The following C4orf54 variants were observed in gnomAD, a reference collection of about 807,000 sequenced individuals.
C4orf54 encodes uncharacterized protein C4orf54.
A neutral mutation model predicts 80.1 loss-of-function variants in C4orf54; 67 were observed. That is an observed-to-expected ratio of 0.84 (90% CI 0.69 to 1.03). The LOEUF (loss-of-function observed/expected upper bound fraction) is 1.03. C4orf54 is among the 50% of genes least tolerant of loss of function. The pLI is 0.00. For synonymous variants in C4orf54, 1,000 were observed against 917.0 expected (o/e 1.09, Z -1.64); for missense variants, 2,434 against 2,253.5 (o/e 1.08, Z -1.62).
At chr4:99,645,615 G>T (rs745307320) in intron 2 of C4orf54, among the ~76,000 whole-genome samples, 1 of 152,026 alleles carries the variant, frequency 6.6e-6, no homozygotes, top group African/African-American at 2.4e-5. Context: ...AAGTGGATGG[G>T]CAGGAGAGCA....
In C4orf54 at chr4:99,651,695, G is replaced by C; in HGVS notation, c.2954C>G (p.Thr985Ser). 6.5e-7 allele frequency: 1 copy of C among 1,536,006 alleles called. No individual in the cohort carries two copies. Among genetic ancestry groups the C allele is most frequent in the Non-Finnish European group, 8.7e-7 (1 of 1,146,890 alleles). The change falls in exon 2 of 3, where the codon ACC (threonine) becomes AGC (serine). Residue 985 changes from threonine to serine, a missense_variant. Thr to Ser is a moderately conservative substitution (Grantham distance 58). Coordinates refer to ENST00000511828, the MANE Select transcript of C4orf54 (RefSeq NM_001354435.2). ...GGGGACAAAGAGGCGAGACATGATG[G>C]TGTTCTTGCTGGCAGAAATCTCCCC... ...DLGEISASKN[T>S]IMSRLFVPNI...
intron 2 of C4orf54, among the ~76,000 whole-genome samples, chr4:99,645,355 A>G (rs1265275879): frequency 6.6e-6 from 1 of 150,730 alleles, no homozygotes; most frequent in Non-Finnish European, 1.5e-5. Context: ...AGAAAGACCA[A>G]CAATGCAGGA....
chr4:99,654,368 G>GCCACTGCTGCCA lies in C4orf54; in HGVS notation c.269_280dup (p.Val90_Val93dup), dbSNP rs1196226712. ...TGGCCCCAAGGCTGTAGGCACTGCT[G>GCCACTGCTGCCA]CCACTGCTGCCACCACCTCCCAGTT... is the stretch of plus-strand genomic sequence containing the variant. On this transcript the variant is annotated inframe_insertion, in exon 2 of 3. Coordinates refer to ENST00000511828, the MANE Select transcript of C4orf54 (RefSeq NM_001354435.2). The GCCACTGCTGCCA allele has an allele frequency of 9.6e-7, 1 of 1,040,532 alleles. No homozygotes were observed. The highest frequency in any genetic ancestry group is 2.6e-5 in the East Asian group (1 of 38,660). 64.5% of individuals were successfully genotyped at this position (1,040,532 alleles called of 1,614,324 possible). A position where few individuals can be genotyped will look rare whatever the true frequency, so the allele number is the denominator to read the frequency against.
Position 99,654,591 on chromosome 4 carries a change from C to T in C4orf54, c.58G>A (p.Val20Met), listed in dbSNP as rs1331693962. 2.0e-5 allele frequency: 14 copies of T among 702,522 alleles called. No homozygotes were observed. Among genetic ancestry groups the T allele is most frequent in the Admixed American group, 8.0e-5 (4 of 49,988 alleles). The allele number at this position is 702,522 out of a possible 1,614,324, so 43.5% of individuals were successfully genotyped here. The change falls in exon 2 of 3, where the codon GTG becomes ATG. Residue 20 changes from valine (V) to methionine (M), a missense_variant. Val to Met is a conservative substitution (Grantham distance 21). Transcript: ENST00000511828. ...RGQPTDAASS[V>M]ADGIQTPRCC... is the part of the protein sequence containing the mutation. The stretch of plus-strand genomic sequence containing the variant: ...CGAGGAGTCTGAATGCCATCGGCCA[C>T]GGAAGAAGCAGCATCTGTAGGTTGA...
Position 99,640,379 on chromosome 4 carries a change from A to G in C4orf54, c.*854T>C, listed in dbSNP as rs1726586274. ...TAAACAATCCATGAGAGACACGAGTATGCAACTATGGAGGGAATTATTGAA... is the reference window on the plus strand; with the variant it reads ...TAAACAATCCATGAGAGACACGAGTGTGCAACTATGGAGGGAATTATTGAA... On this transcript the variant is annotated 3_prime_UTR_variant, in exon 3 of 3. Coordinates refer to ENST00000511828, the MANE Select transcript of C4orf54 (RefSeq NM_001354435.2). 6.6e-6 allele frequency: 1 copy of G among 152,200 alleles called. No individual in the cohort carries two copies. Among genetic ancestry groups the G allele is most frequent in the Non-Finnish European group, 1.5e-5 (1 of 68,006 alleles). 9.4% of individuals were successfully genotyped at this position (152,200 alleles called of 1,614,324 possible). A position where few individuals can be genotyped will look rare whatever the true frequency, so the allele number is the denominator to read the frequency against.
At position 99,640,701 on chromosome 4, in the gene C4orf54, A is replaced by G. The variant is rs1413007135; in HGVS notation, c.*532T>C. 6.6e-6 allele frequency: 1 copy of G among 152,204 alleles called. No homozygotes were observed. The highest frequency in any genetic ancestry group is 2.4e-5 in the African/African-American group (1 of 41,468). The allele number at this position is 152,204 out of a possible 1,614,324, so 9.4% of individuals were successfully genotyped here. ...GAGAATGGGTAGGTTTGGCTGATATATGATTCAAAGAGCAGACCATCATAG... is the reference window on the plus strand; with the variant it reads ...GAGAATGGGTAGGTTTGGCTGATATGTGATTCAAAGAGCAGACCATCATAG... On this transcript the variant is annotated 3_prime_UTR_variant, in exon 3 of 3. Coordinates refer to ENST00000511828, the MANE Select transcript of C4orf54 (RefSeq NM_001354435.2).
rs983403279 is a variant in C4orf54 at position 99,637,174 on chromosome 4, A to T, written c.*4059T>A. 6.6e-6 allele frequency: 1 copy of T among 152,214 alleles called. No homozygotes were observed. The highest frequency in any genetic ancestry group is 2.4e-5 in the African/African-American group (1 of 41,462). The allele number at this position is 152,214 out of a possible 1,614,324, so 9.4% of individuals were successfully genotyped here. On this transcript the variant is annotated 3_prime_UTR_variant, in exon 3 of 3. Coordinates refer to ENST00000511828, the MANE Select transcript of C4orf54 (RefSeq NM_001354435.2). Reference sequence around the variant, plus strand: ...TTAACACTAGCCATAAAAAGCAATTATGAAACTTAAAAAAAGAAAAAGAAA... The same window carrying T: ...TTAACACTAGCCATAAAAAGCAATTTTGAAACTTAAAAAAAGAAAAAGAAA...
intron 2 of C4orf54, among the ~76,000 whole-genome samples, chr4:99,644,111 G>A (rs1335364043): frequency 2.6e-5 from 4 of 152,112 alleles, no homozygotes; most frequent in Non-Finnish European, 5.9e-5. Flanking sequence ...GAGCAAGGGG[G>A]TAATCTATAA....
Position 99,652,186 on chromosome 4 carries a change from C to A in C4orf54, c.2463G>T (p.Met821Ile), listed in dbSNP as rs775028948. Residue 821 changes from methionine to isoleucine, a missense_variant, in exon 2 of 3, where the codon ATG becomes ATT. By Grantham distance (10) the Met-to-Ile change is conservative (BLOSUM62 1). Transcript: ENST00000511828. ...SLLKNVISKK[M>I]QREHEFKMER... ...CCATTTTGAACTCGTGTTCCCGCTG[C>A]ATCTTCTTGGAAATGACATTTTTGA... 3.1e-5 allele frequency: 48 copies of A among 1,536,094 alleles called. No individual in the cohort carries two copies. The South Asian group carries it at 5.4e-4, about 17-fold the overall frequency.
intron 2 of C4orf54, among the ~76,000 whole-genome samples, chr4:99,645,288 C>G (rs1358043034): frequency 6.6e-6 from 1 of 151,562 alleles, no homozygotes; most frequent in African/African-American, 2.4e-5. Context: ...ACTTTAGTTG[C>G]TGATGCATGG....
At chr4:99,644,691 G>A (rs942481717) in intron 2 of C4orf54, among the ~76,000 whole-genome samples, 1 of 151,796 alleles carries the variant, frequency 6.6e-6, no homozygotes, top group Admixed American at 6.6e-5. Context: ...TTCAGGTGAG[G>A]GAGCTGGAGG....
Position 99,636,882 on chromosome 4 carries a change from T to A in C4orf54, c.*4351A>T, listed in dbSNP as rs1047676701. The A allele has an allele frequency of 6.6e-6, 1 of 152,216 alleles. No individual in the cohort carries two copies. The highest frequency in any genetic ancestry group is 2.4e-5 in the African/African-American group (1 of 41,456). The allele number at this position is 152,216 out of a possible 1,614,324, so 9.4% of individuals were successfully genotyped here. On this transcript the variant is annotated 3_prime_UTR_variant, in exon 3 of 3. Transcript: ENST00000511828. ...GTTTAAAATTTCACATTCTTCCCAT[T>A]TACCACCAGCTTTTTTCATAGTCCG... is the stretch of plus-strand genomic sequence containing the variant.
intron 2 of C4orf54, among the ~76,000 whole-genome samples, chr4:99,645,301 C>T (rs72908742): frequency 0.077 from 11,608 of 150,706 alleles, 1,009 homozygotes; most frequent in East Asian, 0.43. Context: ...ATGCATGGGG[C>T]CCTATACAGG....
chr4:99,655,705 T>A (rs1726968426), intron 1 of C4orf54, among the ~76,000 whole-genome samples: 1 of 152,186 alleles, frequency 6.6e-6, no homozygotes, highest in Non-Finnish European at 1.5e-5. Flanking sequence ...CTGGCCATCC[T>A]CAGAGCTGAT....
In C4orf54 at chr4:99,639,895, TA is replaced by T. The variant is rs1726576326; in HGVS notation, c.*1337del. The stretch of plus-strand genomic sequence containing the variant: ...AGGTTTAAAATAATATTAGGGTGTT[TA>T]AAAAATTACCAGAATGCTTTATCTT... On this transcript the variant is annotated 3_prime_UTR_variant, in exon 3 of 3. Coordinates refer to ENST00000511828, the MANE Select transcript of C4orf54 (RefSeq NM_001354435.2). 6.6e-6 allele frequency: 1 copy of T among 152,044 alleles called. No individual in the cohort carries two copies. Among genetic ancestry groups the T allele is most frequent in the Admixed American group, 6.6e-5 (1 of 15,252 alleles). 9.4% of individuals were successfully genotyped at this position (152,044 alleles called of 1,614,324 possible). A position where few individuals can be genotyped will look rare whatever the true frequency, so the allele number is the denominator to read the frequency against.
intron 1 of C4orf54, among the ~76,000 whole-genome samples, 183 bp downstream of exon 1, chr4:99,657,312 C>T (rs953476214): frequency 6.6e-6 from 1 of 152,238 alleles, no homozygotes; most frequent in Non-Finnish European, 1.5e-5. Flanking sequence ...GAGTTTCTCT[C>T]TGCAGTTGGC....
At position 99,650,414 on chromosome 4, in the gene C4orf54, G is replaced by C. The variant is rs1419349320; in HGVS notation, c.4235C>G (p.Ala1412Gly). Residue 1412 changes from alanine (A) to glycine (G), a missense_variant, in exon 2 of 3, where the codon GCT (alanine) becomes GGT (glycine). By Grantham distance (60) the Ala-to-Gly change is moderately conservative (BLOSUM62 0). Transcript: ENST00000511828. The part of the protein sequence containing the change: ...ASSIQKTGGV[A>G]GKFPQGPSPE... ...AGAAGGCCCTTGTGGGAACTTGCCA[G>C]CGACACCCCCAGTTTTCTGGATGCT... 6.5e-7 allele frequency: 1 copy of C among 1,535,996 alleles called. No homozygotes were observed. Among genetic ancestry groups the C allele is most frequent in the Non-Finnish European group, 8.7e-7 (1 of 1,146,902 alleles).
Position 99,640,098 on chromosome 4 carries a change from A to C in C4orf54, c.*1135T>G, listed in dbSNP as rs1726579777. Reference sequence around the variant, plus strand: ...TGTTCAATCAAGTCTTCCAGTCTTCAAGACTCCCTGTGAACACTCACTCAA... The same window carrying C: ...TGTTCAATCAAGTCTTCCAGTCTTCCAGACTCCCTGTGAACACTCACTCAA... On this transcript the variant is annotated 3_prime_UTR_variant, in exon 3 of 3. Coordinates refer to ENST00000511828, the MANE Select transcript of C4orf54 (RefSeq NM_001354435.2). The C allele has an allele frequency of 6.6e-6, 1 of 152,198 alleles. No homozygotes were observed. Among genetic ancestry groups the C allele is most frequent in the African/African-American group, 2.4e-5 (1 of 41,460 alleles). 9.4% of individuals were successfully genotyped at this position (152,198 alleles called of 1,614,324 possible).
rs989621130 is a variant in C4orf54 at position 99,651,904 on chromosome 4, G to A, written c.2745C>T (p.Thr915=). The part of the protein sequence containing the change: ...ERNAGPGRNF[T]DGHTEVCEIK... The stretch of plus-strand genomic sequence containing the variant: ...TTTCACACACTTCTGTGTGTCCATC[G>A]GTGAAATTCCGGCCAGGGCCTGCGT... The change falls in exon 2 of 3, where the codon ACC becomes ACT. Residue 915 remains threonine, a synonymous_variant. Coordinates refer to ENST00000511828, the MANE Select transcript of C4orf54 (RefSeq NM_001354435.2). The A allele has an allele frequency of 2.2e-5, 34 of 1,535,944 alleles. No individual in the cohort carries two copies. Among genetic ancestry groups the A allele is most frequent in the Non-Finnish European group, 2.8e-5 (32 of 1,146,904 alleles).
Sources: allele counts gnomAD v4.1 joint callset (sites outside exome capture counted in the v4.1 genomes callset), GRCh38; gene constraint gnomAD v4.1.1; transcripts MANE v1.5; gene names NCBI Gene and HGNC (gene_info 2026-07-23, HGNC 2026-07-21).